ERICH6B: variants seen among roughly 807,000 people sequenced by gnomAD.
ERICH6B encodes the protein glutamate-rich protein 6B.
A neutral mutation model predicts 80.0 loss-of-function variants in ERICH6B; 69 were observed. That is an observed-to-expected ratio of 0.86 (90% confidence interval 0.71 to 1.05). The LOEUF is 1.05. ERICH6B is among the 50% of genes least tolerant of loss of function. ERICH6B has a pLI of 0.00. For synonymous variants in ERICH6B, 283 were observed against 291.9 expected, an observed-to-expected ratio of 0.97 and a Z score of 0.31; for missense variants, 754 against 796.1, an observed-to-expected ratio of 0.95 and a Z score of 0.64.
intron 10 of ERICH6B, among the ~76,000 whole-genome samples, chr13:45,562,024 T>C (rs775956832): frequency 8.5e-5 from 13 of 152,240 alleles, no homozygotes; most frequent in Non-Finnish European, 1.3e-4. Flanking sequence ...GTCTGATGAT[T>C]GGGCTCTGTG....
At chr13:45,544,696 AG>A in intron 14 of ERICH6B, 63 bp downstream of exon 14, 5 of 1,411,318 alleles carry the variant, frequency 3.5e-6, no homozygotes, top group Non-Finnish European at 4.9e-6. Flanking sequence ...AGTCCAAGCC[AG>A]CAGTGGCCTT....
intron 8 of ERICH6B, among the ~76,000 whole-genome samples, chr13:45,571,856 C>A (rs1316873782): frequency 2.6e-5 from 4 of 152,124 alleles, no homozygotes; most frequent in Non-Finnish European, 5.9e-5. Flanking sequence ...AGAAGATGGT[C>A]CTCTGCAAGT....
At position 45,574,842 on chromosome 13, in the gene ERICH6B, G is replaced by GT. The variant is rs1875320744; in HGVS notation, c.1049dup (p.Asn350LysfsTer12). The GT allele has an allele frequency of 6.5e-7, 1 of 1,545,682 alleles. No homozygotes were observed. Among genetic ancestry groups the GT allele is most frequent in the Non-Finnish European group, 8.8e-7 (1 of 1,142,456 alleles). ...GGTCTCAAGTTTTTATCCAACTTACGTTTTCATCTAAATCTTCCACTTCCA... is the reference window on the plus strand; with the variant it reads ...GGTCTCAAGTTTTTATCCAACTTACGTTTTTCATCTAAATCTTCCACTTCCA... On this transcript the variant is annotated frameshift_variant and splice_region_variant, in exon 8 of 15. Coordinates refer to ENST00000298738, the MANE Select transcript of ERICH6B (RefSeq NM_182542.3). LOFTEE classifies it high-confidence loss of function.
At chr13:45,550,990 A>G (rs1196719258) in intron 11 of ERICH6B, among the ~76,000 whole-genome samples, 4 of 152,134 alleles carry the variant, frequency 2.6e-5, no homozygotes, top group African/African-American at 9.7e-5. Context: ...ACACAATTCA[A>G]CCCATAACAT....
At chr13:45,554,899 T>C (rs1441345007) in intron 11 of ERICH6B, among the ~76,000 whole-genome samples, 1 of 152,176 alleles carries the variant, frequency 6.6e-6, no homozygotes, top group Non-Finnish European at 1.5e-5. Flanking sequence ...AGCAAACAGC[T>C]TGGGATTTAT....
intron 5 of ERICH6B, among the ~76,000 whole-genome samples, chr13:45,586,678 C>T (rs1005840086): frequency 3.9e-5 from 6 of 152,086 alleles, no homozygotes; most frequent in Non-Finnish European, 7.3e-5. Flanking sequence ...TATGGCCTGT[C>T]ACCCCAGGGA....
chr13:45,603,096 C>A (rs1254011875), intron 2 of ERICH6B, among the ~76,000 whole-genome samples: 1 of 152,122 alleles, frequency 6.6e-6, no homozygotes, highest in Non-Finnish European at 1.5e-5. Context: ...GGCCTGTGAA[C>A]CAGGACTTCC....
At chr13:45,575,048 A>T in intron 7 of ERICH6B, 118 bp from the exon 8 acceptor site, 1 of 657,692 alleles carries the variant, frequency 1.5e-6, no homozygotes, top group East Asian at 2.8e-5. Flanking sequence ...CTTCCAAAAA[A>T]TGCATACATC....
At chr13:45,602,789 C>T (rs1593327526) in intron 2 of ERICH6B, among the ~76,000 whole-genome samples, 1 of 152,220 alleles carries the variant, frequency 6.6e-6, no homozygotes, top group African/African-American at 2.4e-5. Flanking sequence ...CATCTCTTCT[C>T]ATCCCTCCAT....
chr13:45,549,315 A>G (rs1874117900), intron 13 of ERICH6B, among the ~76,000 whole-genome samples: 1 of 152,020 alleles, frequency 6.6e-6, no homozygotes, highest in Non-Finnish European at 1.5e-5. Context: ...AAGTCCCCAC[A>G]CCATGACCAC....
Position 45,544,793 on chromosome 13 carries a change from C to T in ERICH6B, c.1839G>A (p.Lys613=), listed in dbSNP as rs1205884132. The T allele has an allele frequency of 2.6e-6, 4 of 1,551,590 alleles. No homozygotes were observed. Among genetic ancestry groups the T allele is most frequent in the Non-Finnish European group, 3.5e-6 (4 of 1,147,016 alleles). The change falls in exon 14 of 15, where the codon AAG becomes AAA. Residue 613 remains lysine, a synonymous_variant. Transcript: ENST00000298738. ...KIIFCFTYEQ[K]QICLNLGTRY... is the part of the protein sequence containing the mutation. ...TGGTGCCCAGGTTTAAACAAATCTGCTTCTGTTCATAGGTGAAGCAGAAGA... is the reference window on the plus strand; with the variant it reads ...TGGTGCCCAGGTTTAAACAAATCTGTTTCTGTTCATAGGTGAAGCAGAAGA...
Position 45,541,445 on chromosome 13 carries a change from G to A in ERICH6B, c.*17C>T, listed in dbSNP as rs1278545896. 3 of 1,548,640 alleles carry A rather than the reference G, an allele frequency of 1.9e-6. No individual in the cohort carries two copies. Among genetic ancestry groups the A allele is most frequent in the Non-Finnish European group, 2.6e-6 (3 of 1,144,394 alleles). On this transcript the variant is annotated 3_prime_UTR_variant, in exon 15 of 15. Transcript: ENST00000298738. ...CAACTTCCTAAGGCATTTGGTGGATGCCAGATAAGCCCCGCCTTAAAACCA... is the reference window on the plus strand; with the variant it reads ...CAACTTCCTAAGGCATTTGGTGGATACCAGATAAGCCCCGCCTTAAAACCA...
chr13:45,598,583 C>A (rs1298335375), intron 2 of ERICH6B, among the ~76,000 whole-genome samples: 2 of 152,080 alleles, frequency 1.3e-5, no homozygotes, highest in African/African-American at 4.8e-5. Context: ...CAGCATGAGT[C>A]CAAGATGAGA....
At chr13:45,586,996 A>T (rs1875932159) in intron 5 of ERICH6B, 67 bp downstream of exon 5, 2 of 1,476,668 alleles carry the variant, frequency 1.4e-6, no homozygotes, top group South Asian at 1.3e-5. Flanking sequence ...TCACATGCAC[A>T]AAACCATTCC....
At chr13:45,559,611 T>C (rs1051420231) in intron 11 of ERICH6B, among the ~76,000 whole-genome samples, 2 of 152,270 alleles carry the variant, frequency 1.3e-5, no homozygotes, top group Non-Finnish European at 2.9e-5. Flanking sequence ...GTCATTCAGT[T>C]CTAAAAATTT....
At chr13:45,569,075 T>C (rs150433991) in intron 8 of ERICH6B, among the ~76,000 whole-genome samples, 86 of 152,322 alleles carry the variant, frequency 5.6e-4, no homozygotes, top group African/African-American at 2.0e-3. Flanking sequence ...TGTGCATCAC[T>C]GTATTGGGCA....
intron 1 of ERICH6B, among the ~76,000 whole-genome samples, chr13:45,614,381 G>C (rs1393359673): frequency 6.6e-6 from 1 of 152,190 alleles, no homozygotes; most frequent in African/African-American, 2.4e-5. Context: ...CCTCACCCAT[G>C]AGACTGTAGC....
In ERICH6B at chr13:45,606,381, CTG is replaced by C. The variant is rs931516266; in HGVS notation, c.-59+1181_-59+1182del. Among the ~76,000 whole-genome samples the C allele has an allele frequency of 7.3e-4, 110 of 150,758 alleles. 1 individual carries two copies. Among genetic ancestry groups the C allele is most frequent in the Non-Finnish European group, 1.4e-3 (96 of 67,766 alleles). ...TGAAAAATACCTTTCTACCCACTAA[CTG>C]TGCTGAGATGCCAGGGTTTCAGCAA... On this transcript the variant is annotated intron_variant, in intron 2 of 14. Coordinates refer to ENST00000298738, the MANE Select transcript of ERICH6B (RefSeq NM_182542.3).
intron 2 of ERICH6B, 55 bp from the exon 3 acceptor site, chr13:45,597,118 G>T: frequency 8.3e-7 from 1 of 1,206,278 alleles, no homozygotes; most frequent in Non-Finnish European, 1.1e-6. Context: ...AATGCATATT[G>T]ATTTAATTCC....
Sources: gnomAD v4.1 joint callset for allele counts (sites outside exome capture counted in the v4.1 genomes callset) on GRCh38, gnomAD v4.1.1 for gene constraint, MANE v1.5 for transcripts, NCBI Gene and HGNC (gene_info 2026-07-23, HGNC 2026-07-21) for gene names.